The following ZC2HC1B variants were observed in gnomAD, a reference collection of about 807,000 sequenced individuals.
ZC2HC1B encodes zinc finger C2HC domain-containing protein 1B.
Under a neutral mutation model 31.0 loss-of-function variants are expected in ZC2HC1B, and 36 were observed. The observed-to-expected ratio is 1.16, with a 90% CI of 0.89 to 1.54. The LOEUF is 1.54. ZC2HC1B is among the 40% of genes most tolerant of loss of function. The pLI, the probability that ZC2HC1B is intolerant of heterozygous loss-of-function variation, is 0.00. For missense variants in ZC2HC1B, 260 were observed against 268.6 expected (o/e 0.97, Z 0.22); for synonymous variants, 73 against 88.0 (o/e 0.83, Z 0.95).
chr6:143,912,700 T>TG (rs978317701), intron 6 of ZC2HC1B, among the ~76,000 whole-genome samples: 7 of 152,234 alleles, frequency 4.6e-5, no homozygotes, highest in African/African-American at 7.2e-5. Flanking sequence ...AGACTCCTGT[T>TG]GGGGGGTCTT....
In ZC2HC1B at chr6:143,886,049, A is replaced by G. The variant is rs1038734680; in HGVS notation, c.108A>G (p.Ile36Met). The change falls in exon 3 of 8, where the codon ATA becomes ATG. Residue 36 changes from isoleucine to methionine, a missense_variant. Ile to Met is a conservative substitution (Grantham distance 10). Transcript: ENST00000237275. The surrounding 1 kb of genome is among the most constrained non-coding windows in gnomAD (Gnocchi z 4.2). Reference sequence around the variant, plus strand: ...TTTTCTAGGAAAGGCATGGACCAATATGTAAGAAACTCTTCAACAGAAAGC... The same window carrying G: ...TTTTCTAGGAAAGGCATGGACCAATGTGTAAGAAACTCTTCAACAGAAAGC... ...AADVLERHGP[I>M]CKKLFNRKRK... The G allele has an allele frequency of 1.3e-6, 2 of 1,538,242 alleles. No homozygotes were observed. The highest frequency in any genetic ancestry group is 4.3e-5 in the Admixed American group (2 of 46,752).
At chr6:143,901,094 C>T (rs1777732464) in intron 5 of ZC2HC1B, among the ~76,000 whole-genome samples, 1 of 151,886 alleles carries the variant, frequency 6.6e-6, no homozygotes, top group Non-Finnish European at 1.5e-5. Context: ...TTGCCTCAGC[C>T]TCCCAAAGTG....
intron 1 of ZC2HC1B, among the ~76,000 whole-genome samples, chr6:143,867,197 AGCATTTTGGATAAGGGATACTTAACCT>A (rs1777275117): frequency 6.6e-6 from 1 of 152,196 alleles, no homozygotes; most frequent in Admixed American, 6.5e-5. Flanking sequence ...TCTGGTCCCA[AGCATTTTGGATAAGGGATACTTAACCT>A]GCATTAAGTA....
intron 6 of ZC2HC1B, among the ~76,000 whole-genome samples, chr6:143,932,598 C>G (rs940010585): frequency 1.3e-5 from 2 of 152,122 alleles, no homozygotes; most frequent in Non-Finnish European, 2.9e-5. Flanking sequence ...TTGGCTTTTA[C>G]CTTTCTCTGG....
At chr6:143,937,219 C>T (rs1242492052) in intron 6 of ZC2HC1B, among the ~76,000 whole-genome samples, 2 of 152,056 alleles carry the variant, frequency 1.3e-5, no homozygotes, top group African/African-American at 4.8e-5. Context: ...ACGTAGATAA[C>T]CCTAAGCAGG....
chr6:143,931,095 T>C (rs548563587), intron 6 of ZC2HC1B, among the ~76,000 whole-genome samples: 1 of 152,322 alleles, frequency 6.6e-6, no homozygotes, highest in African/African-American at 2.4e-5. Context: ...TGTTTTAAAG[T>C]CTGTTTTGTT....
At position 143,872,507 on chromosome 6, in the gene ZC2HC1B, G is replaced by A. The variant is rs983496187; in HGVS notation, c.28+7940G>A. On this transcript the variant is annotated intron_variant, in intron 1 of 7. Coordinates refer to ENST00000237275, the MANE Select transcript of ZC2HC1B (RefSeq NM_001013623.3). The surrounding 1 kb of genome is among the most constrained non-coding windows in gnomAD (Gnocchi z 5.5). ...GCTGCCACTTGGCCCCTGCCACCTC[G>A]GGATCCAAATATTCCCACTATATTT... Among the ~76,000 whole-genome samples the A allele has an allele frequency of 1.3e-5, 2 of 151,978 alleles. No individual in the cohort carries two copies. The highest frequency in any genetic ancestry group is 2.9e-5 in the Non-Finnish European group (2 of 68,008).
chr6:143,892,824 A>G (rs765053239), intron 4 of ZC2HC1B, among the ~76,000 whole-genome samples: 27 of 152,220 alleles, frequency 1.8e-4, no homozygotes, highest in Non-Finnish European at 3.2e-4. Flanking sequence ...AAAAAGGATC[A>G]TTGACCTAAT....
chr6:143,868,479 G>A lies in ZC2HC1B; in HGVS notation c.28+3912G>A, dbSNP rs529193674. On this transcript the variant is annotated intron_variant, in intron 1 of 7. Transcript: ENST00000237275. This position sits in a 1 kb window ranked among gnomAD's most constrained non-coding sequence, Gnocchi z 4.2. ...TAGTCTTTTCACATTTTTTTTTTCTGCCTGCTTTAGATTCGATCTGCGCTG... is the reference window on the plus strand; with the variant it reads ...TAGTCTTTTCACATTTTTTTTTTCTACCTGCTTTAGATTCGATCTGCGCTG... 6.8e-6 allele frequency among the ~76,000 whole-genome samples: 1 copy of A among 148,142 alleles called. No individual in the cohort carries two copies. The highest frequency in any genetic ancestry group is 2.0e-4 in the East Asian group (1 of 4,990).
rs1001428819 is a variant in ZC2HC1B at position 143,918,737 on chromosome 6, T to G, written c.598+15585T>G. On this transcript the variant is annotated intron_variant, in intron 6 of 7. Coordinates refer to ENST00000237275, the MANE Select transcript of ZC2HC1B (RefSeq NM_001013623.3). This position sits in a 1 kb window ranked among gnomAD's most constrained non-coding sequence, Gnocchi z 4.1. ...AGGTCCCTAAGGCTCTGTTCACCTT[T>G]CCTTAAGTTTTTCTCTTTCTGTTCC... Among the ~76,000 whole-genome samples, 1 of 152,184 alleles carries G rather than the reference T, an allele frequency of 6.6e-6. No homozygotes were observed. The highest frequency in any genetic ancestry group is 2.4e-5 in the African/African-American group (1 of 41,462).
At position 143,905,989 on chromosome 6, in the gene ZC2HC1B, A is replaced by G. The variant is rs1050568846; in HGVS notation, c.598+2837A>G. On this transcript the variant is annotated intron_variant, in intron 6 of 7. Coordinates refer to ENST00000237275, the MANE Select transcript of ZC2HC1B (RefSeq NM_001013623.3). This position sits in a 1 kb window ranked among gnomAD's most constrained non-coding sequence, Gnocchi z 4.2. ...ATTGAGGATTTTTGCATTAATGTTC[A>G]TAAGAGATGTAGTTTTCTTATAGCA... Among the ~76,000 whole-genome samples, 2 of 152,166 alleles carry G rather than the reference A, an allele frequency of 1.3e-5. No homozygotes were observed. Among genetic ancestry groups the G allele is most frequent in the Admixed American group, 6.5e-5 (1 of 15,270 alleles).
intron 6 of ZC2HC1B, among the ~76,000 whole-genome samples, chr6:143,912,521 T>TG (rs1455890540): frequency 2.0e-5 from 3 of 152,222 alleles, no homozygotes; most frequent in Non-Finnish European, 4.4e-5. Flanking sequence ...TAAGGTTTGC[T>TG]GGGGGTCCAC....
At chr6:143,892,146 G>C (rs1203801278) in intron 4 of ZC2HC1B, among the ~76,000 whole-genome samples, 4 of 152,174 alleles carry the variant, frequency 2.6e-5, no homozygotes, top group Non-Finnish European at 5.9e-5. Flanking sequence ...AGTTCTGCAG[G>C]TTGTACAAGA....
In ZC2HC1B at chr6:143,932,220, G is replaced by C. The variant is rs1778129240; in HGVS notation, c.599-5429G>C. Among the ~76,000 whole-genome samples the C allele has an allele frequency of 2.6e-5, 4 of 152,022 alleles. No individual in the cohort carries two copies. The South Asian group carries it at 8.3e-4, about 32-fold the overall frequency. ...ATGTCTAGATCTCTAGTGAGCTCAG[G>C]GAAGTTTTCCTCAATTATCATCACA... On this transcript the variant is annotated intron_variant, in intron 6 of 7. Transcript: ENST00000237275.
rs1221121582 is a variant in ZC2HC1B, at chr6:143,868,944, CAT to C, written c.28+4378_28+4379del. 1.3e-5 allele frequency among the ~76,000 whole-genome samples: 2 copies of C among 152,132 alleles called. No individual in the cohort carries two copies. Among genetic ancestry groups the C allele is most frequent in the Admixed American group, 6.6e-5 (1 of 15,258 alleles). The stretch of plus-strand genomic sequence containing the variant: ...TAGTACACGTGTGTACATGCACAAA[CAT>C]GTTTTTAACAAAAGAAGGAGGAAAT... On this transcript the variant is annotated intron_variant, in intron 1 of 7. Coordinates refer to ENST00000237275, the MANE Select transcript of ZC2HC1B (RefSeq NM_001013623.3). This position sits in a 1 kb window ranked among gnomAD's most constrained non-coding sequence, Gnocchi z 4.2.
At chr6:143,931,868 T>C (rs1310835296) in intron 6 of ZC2HC1B, among the ~76,000 whole-genome samples, 1 of 150,306 alleles carries the variant, frequency 6.7e-6, no homozygotes, top group Admixed American at 6.6e-5. Flanking sequence ...CTTCTTCTTT[T>C]TTTTTTTTTT....
At position 143,911,439 on chromosome 6, in the gene ZC2HC1B, A is replaced by G. The variant is rs1224061007; in HGVS notation, c.598+8287A>G. ...CCTTTCCATACTTAGTGCTTCCTTC[A>G]GGAGCTCTTGCAAGGCAGGTCTGGT... is the stretch of plus-strand genomic sequence containing the variant. On this transcript the variant is annotated intron_variant, in intron 6 of 7. Transcript: ENST00000237275. This position sits in a 1 kb window ranked among gnomAD's most constrained non-coding sequence, Gnocchi z 4.5. Among the ~76,000 whole-genome samples, 1 of 152,144 alleles carries G rather than the reference A, an allele frequency of 6.6e-6. No individual in the cohort carries two copies. Among genetic ancestry groups the G allele is most frequent in the East Asian group, 1.9e-4 (1 of 5,192 alleles).
intron 6 of ZC2HC1B, among the ~76,000 whole-genome samples, chr6:143,925,426 A>G (rs973739748): frequency 2.0e-5 from 3 of 151,266 alleles, no homozygotes; most frequent in African/African-American, 7.3e-5. Flanking sequence ...CCGCCTGCCT[A>G]CGGCCTCCCA....
chr6:143,928,423 G>A (rs1308640637), intron 6 of ZC2HC1B, among the ~76,000 whole-genome samples: 1 of 152,082 alleles, frequency 6.6e-6, no homozygotes, highest in African/African-American at 2.4e-5. Context: ...GTTGGCTATA[G>A]GTATGTGGCT....
Sources: allele counts gnomAD v4.1 joint callset (sites outside exome capture counted in the v4.1 genomes callset), GRCh38; gene constraint gnomAD v4.1.1; non-coding constraint Gnocchi (gnomAD v3.1); transcripts MANE v1.5; gene names NCBI Gene and HGNC (gene_info 2026-07-23, HGNC 2026-07-21).